The following ZBTB24 variants were observed in gnomAD, a reference collection of about 807,000 sequenced individuals.
The protein encoded by ZBTB24 is zinc finger and BTB domain containing 24.
In ZBTB24, 32 loss-of-function variants were observed where a neutral mutation model predicts 53.8. The observed-to-expected ratio is 0.60, with a 90% CI of 0.45 to 0.80. The LOEUF is 0.80. Among genes scored for constraint, ZBTB24 ranks in the 30% least tolerant of loss-of-function variants. The pLI is 0.00. For missense variants in ZBTB24, 722 were observed against 837.1 expected (o/e 0.86, Z 1.70); for synonymous variants, 297 against 306.7 (o/e 0.97, Z 0.33).
chr6:109,474,487 C>T (rs1159289889), intron 5 of ZBTB24, among the ~76,000 whole-genome samples: 3 of 152,166 alleles, frequency 2.0e-5, no homozygotes, highest in African/African-American at 4.8e-5. Flanking sequence ...AATCCCAGCA[C>T]TTTGGGAGGC....
intron 5 of ZBTB24, 23 bp from the exon 6 acceptor site, chr6:109,467,757 CAAAAAA>C: frequency 1.2e-6 from 2 of 1,610,256 alleles, no homozygotes; most frequent in African/African-American, 2.7e-5. Context: ...AAAACAAAAA[CAAAAAA>C]CCCAAAACAA....
chr6:109,472,538 T>C (rs1776188230), intron 5 of ZBTB24, among the ~76,000 whole-genome samples: 1 of 152,154 alleles, frequency 6.6e-6, no homozygotes, highest in Admixed American at 6.5e-5. Flanking sequence ...GAAGTGCCTC[T>C]TCTGGCACTG....
intron 6 of ZBTB24, 106 bp from the exon 7 acceptor site, chr6:109,466,680 C>A: frequency 6.9e-7 from 1 of 1,443,686 alleles, no homozygotes; most frequent in Non-Finnish European, 9.4e-7. Flanking sequence ...AACTAGACTG[C>A]AAGTCATAAG....
At chr6:109,472,805 T>G (rs1013313002) in intron 5 of ZBTB24, among the ~76,000 whole-genome samples, 3 of 152,218 alleles carry the variant, frequency 2.0e-5, no homozygotes, top group African/African-American at 7.2e-5. Flanking sequence ...TAGCTTTTCC[T>G]CCTCACAGTG....
chr6:109,478,237 CAGA>C (rs1368266490), intron 2 of ZBTB24, among the ~76,000 whole-genome samples: 7 of 152,132 alleles, frequency 4.6e-5, no homozygotes, highest in East Asian at 3.9e-4. Context: ...ACTGAGGCTC[CAGA>C]AGAAGGTCTT....
At chr6:109,476,371 C>T in intron 3 of ZBTB24, 113 bp from the exon 4 acceptor site, 1 of 1,044,360 alleles carries the variant, frequency 9.6e-7, no homozygotes, top group Non-Finnish European at 1.4e-6. Context: ...ACAAATGATA[C>T]AAGCGACTTG....
intron 2 of ZBTB24, among the ~76,000 whole-genome samples, chr6:109,477,660 A>C (rs971930273): frequency 1.3e-5 from 2 of 152,152 alleles, no homozygotes; most frequent in Non-Finnish European, 2.9e-5. Flanking sequence ...GTTAAGAAAA[A>C]GGGGTCTTTG....
intron 2 of ZBTB24, among the ~76,000 whole-genome samples, chr6:109,478,638 T>G (rs1025325040): frequency 2.0e-5 from 3 of 152,060 alleles, no homozygotes; most frequent in East Asian, 3.9e-4. Context: ...GAGGCGGAGG[T>G]TGTGGTGATC....
At chr6:109,467,573 T>C (rs1582669803) in intron 6 of ZBTB24, 80 bp downstream of exon 6, 2 of 1,607,628 alleles carry the variant, frequency 1.2e-6, no homozygotes, top group East Asian at 2.2e-5. Context: ...GAGAAAACTA[T>C]ATAGGTAACA....
In ZBTB24 at chr6:109,476,854, C is replaced by T; in HGVS notation, c.1029G>A (p.Met343Ile). The T allele has an allele frequency of 6.2e-7, 1 of 1,614,164 alleles. No homozygotes were observed. The highest frequency in any genetic ancestry group is 8.5e-7 in the Non-Finnish European group (1 of 1,180,024). Residue 343 changes from methionine (M) to isoleucine (I), a missense_variant, in exon 3 of 7, where the codon ATG becomes ATA. Transcript: ENST00000230122. Reference sequence around the variant, plus strand: ...AGGTGTACGGCCGCTCGCCTGTGTGCATCCTGGTGTGGACCTGTAGCGAGT... The same window carrying T: ...AGGTGTACGGCCGCTCGCCTGTGTGTATCCTGGTGTGGACCTGTAGCGAGT... Reference protein sequence around the residue: ...QKHSLQVHTRMHTGERPYTCT... With the variant: ...QKHSLQVHTRIHTGERPYTCT...
At chr6:109,474,833 G>A (rs1776247361) in intron 5 of ZBTB24, among the ~76,000 whole-genome samples, 1 of 151,914 alleles carries the variant, frequency 6.6e-6, no homozygotes, top group African/African-American at 2.4e-5. Flanking sequence ...GAGCCCAGGA[G>A]TTCAAGACCA....
At chr6:109,480,606 A>C (rs1478485929) in intron 2 of ZBTB24, among the ~76,000 whole-genome samples, 1 of 152,250 alleles carries the variant, frequency 6.6e-6, no homozygotes, top group Admixed American at 6.5e-5. Context: ...AGTGATCTAC[A>C]CAGACTTGGG....
rs193109192 is a variant in ZBTB24, at chr6:109,462,755, C to T, written c.*3096G>A. 1 of 152,168 alleles carries T rather than the reference C, an allele frequency of 6.6e-6. No individual in the cohort carries two copies. The highest frequency in any genetic ancestry group is 1.5e-5 in the Non-Finnish European group (1 of 68,050). The allele number at this position is 152,168 out of a possible 1,614,324, so 9.4% of individuals were successfully genotyped here. Reference sequence around the variant, plus strand: ...GAGCTCCAATCATCCCAAGGCAGACCCTCTTCTGGGAGAAAACCAAAGATT... The same window carrying T: ...GAGCTCCAATCATCCCAAGGCAGACTCTCTTCTGGGAGAAAACCAAAGATT... On this transcript the variant is annotated 3_prime_UTR_variant, in exon 7 of 7. Transcript: ENST00000230122.
chr6:109,464,701 G>A lies in ZBTB24; in HGVS notation c.*1150C>T, dbSNP rs977915034. 1 of 152,210 alleles carries A rather than the reference G, an allele frequency of 6.6e-6. No homozygotes were observed. The highest frequency in any genetic ancestry group is 2.4e-5 in the African/African-American group (1 of 41,440). 9.4% of individuals were successfully genotyped at this position (152,210 alleles called of 1,614,324 possible). The stretch of plus-strand genomic sequence containing the variant: ...CATCCCTGTAGTCCCAGCTACTAGG[G>A]AGGCTAAGGTGGGAGGGTTGCTTGA... On this transcript the variant is annotated 3_prime_UTR_variant, in exon 7 of 7. Transcript: ENST00000230122.
intron 5 of ZBTB24, among the ~76,000 whole-genome samples, chr6:109,469,484 A>G (rs1035380200): frequency 2.3e-4 from 35 of 152,194 alleles, no homozygotes; most frequent in Admixed American, 2.3e-3. Flanking sequence ...TGAGCAGGAC[A>G]GTGGGAAGGC....
At position 109,465,707 on chromosome 6, in the gene ZBTB24, A is replaced by G. The variant is rs770158625; in HGVS notation, c.*144T>C. On this transcript the variant is annotated 3_prime_UTR_variant, in exon 7 of 7. Transcript: ENST00000230122. ...ACATCTTGCTACCTGGATGGAGGGC[A>G]TTATAAACATCAGTTAGCCATCACA... The G allele has an allele frequency of 1.6e-5, 25 of 1,605,604 alleles. No individual in the cohort carries two copies. Among genetic ancestry groups the G allele is most frequent in the Non-Finnish European group, 1.9e-5 (22 of 1,179,474 alleles).
rs147994667 is a variant in ZBTB24 at position 109,468,327 on chromosome 6, G to A, written c.1289-593C>T. Among the ~76,000 whole-genome samples, 278 of 151,924 alleles carry A rather than the reference G, an allele frequency of 1.8e-3. 4 individuals are homozygous for A. The highest frequency in any genetic ancestry group is 6.8e-3 in the Middle Eastern group (2 of 294). On this transcript the variant is annotated intron_variant, in intron 5 of 6. Coordinates refer to ENST00000230122, the MANE Select transcript of ZBTB24 (RefSeq NM_014797.3). Reference sequence around the variant, plus strand: ...CCTTGATGCAGTCAGGTCATTTTATGCTTGGGCTGCAAATGTTCTGATGAT... The same window carrying A: ...CCTTGATGCAGTCAGGTCATTTTATACTTGGGCTGCAAATGTTCTGATGAT...
chr6:109,480,613 T>C (rs1197016230), intron 2 of ZBTB24, among the ~76,000 whole-genome samples: 1 of 152,198 alleles, frequency 6.6e-6, no homozygotes, highest in African/African-American at 2.4e-5. Flanking sequence ...TACACAGACT[T>C]GGGCAAAAGC....
Position 109,468,112 on chromosome 6 carries a change from T to C in ZBTB24, c.1289-378A>G, listed in dbSNP as rs574605364. Among the ~76,000 whole-genome samples the C allele has an allele frequency of 2.2e-4, 33 of 152,242 alleles. 1 individual carries two copies. Among genetic ancestry groups the C allele is most frequent in the Admixed American group, 2.0e-3 (31 of 15,284 alleles). On this transcript the variant is annotated intron_variant, in intron 5 of 6. Transcript: ENST00000230122. ...CCACTTGACCCTGAAAGGACTCCTG[T>C]GTGCTAGGGTGAGTTATGTATTATT...
Sources: gnomAD v4.1 joint callset for allele counts (sites outside exome capture counted in the v4.1 genomes callset) on GRCh38, gnomAD v4.1.1 for gene constraint, MANE v1.5 for transcripts, NCBI Gene and HGNC (gene_info 2026-07-23, HGNC 2026-07-21) for gene names.